The following IQSEC1 variants were observed in gnomAD, a reference collection of about 807,000 sequenced individuals.
IQSEC1 encodes IQ motif and SEC7 domain-containing protein 1.
In IQSEC1, 31 loss-of-function variants were observed where a neutral mutation model predicts 91.0. That is an observed-to-expected ratio of 0.34 (90% confidence interval 0.26 to 0.46). IQSEC1 has a LOEUF of 0.46. Among genes scored for constraint, IQSEC1 ranks in the 20% least tolerant of loss-of-function variants. The pLI is 1.00. For missense variants in IQSEC1, 1,388 were observed against 1,575.6 expected, an observed-to-expected ratio of 0.88 and a Z score of 2.02; for synonymous variants, 699 against 662.6, an observed-to-expected ratio of 1.05 and a Z score of -0.84.
Position 12,900,459 on chromosome 3 carries a change from ATATATATATTTATATATT to A in IQSEC1, c.*506_*523del. The stretch of plus-strand genomic sequence containing the variant: ...CAAGTACTACCTATACAGTATATAT[ATATATATATTTATATATT>A]TATATATTTATATAAAGTTTACTTA... On this transcript the variant is annotated 3_prime_UTR_variant, in exon 14 of 14. Coordinates refer to ENST00000613206, the MANE Select transcript of IQSEC1 (RefSeq NM_001134382.3). 1 of 725,620 alleles carries A rather than the reference ATATATATATTTATATATT, an allele frequency of 1.4e-6. No individual in the cohort carries two copies. The highest frequency in any genetic ancestry group is 1.7e-6 in the Non-Finnish European group (1 of 595,570). 44.9% of individuals were successfully genotyped at this position (725,620 alleles called of 1,614,324 possible).
rs1316276894 is a variant in IQSEC1, at chr3:12,936,571, C to G, written c.445G>C (p.Glu149Gln). Residue 149 changes from glutamate to glutamine, a missense_variant, in exon 3 of 14, where the codon GAG (glutamate) becomes CAG (glutamine). Physicochemically the swap from Glu to Gln is conservative, Grantham distance 29. Transcript: ENST00000613206. ...NFERLRSSMS[E>Q]NRMSRRIVLS... ...ACAATCCGGCGTGACATGCGGTTCTCTGACATGGAGCTGCGCAAGCGCTCG... is the reference window on the plus strand; with the variant it reads ...ACAATCCGGCGTGACATGCGGTTCTGTGACATGGAGCTGCGCAAGCGCTCG... The G allele has an allele frequency of 2.5e-6, 4 of 1,613,354 alleles. No individual in the cohort carries two copies. Among genetic ancestry groups the G allele is most frequent in the Non-Finnish European group, 3.4e-6 (4 of 1,180,030 alleles).
Position 12,901,179 on chromosome 3 carries a change from TGGGGTGGGTGGTG to T in IQSEC1, c.3136_3148del (p.His1046SerfsTer70). On this transcript the variant is annotated frameshift_variant, in exon 14 of 14. Transcript: ENST00000613206. LOFTEE classifies it low-confidence loss of function (END_TRUNC). The stretch of plus-strand genomic sequence containing the variant: ...GTACTGGTGTGCGTGCTGGATGTGC[TGGGGTGGGTGGTG>T]GTGGTGGTGATGGTGGTACGGGGGA... 6.5e-7 allele frequency: 1 copy of T among 1,542,428 alleles called. No individual in the cohort carries two copies. The highest frequency in any genetic ancestry group is 8.8e-7 in the Non-Finnish European group (1 of 1,142,678).
In IQSEC1 at chr3:12,967,255, G is replaced by A; in HGVS notation, c.24-25390C>T. Reference sequence around the variant, plus strand: ...TCTGGCGGACGCACCCCGCCCCGCAGGCAGCTTTCTCTCGCACGCCGGGCG... The same window carrying A: ...TCTGGCGGACGCACCCCGCCCCGCAAGCAGCTTTCTCTCGCACGCCGGGCG... On this transcript the variant is annotated intron_variant, in intron 1 of 13. Coordinates refer to ENST00000613206, the MANE Select transcript of IQSEC1 (RefSeq NM_001134382.3). The surrounding 1 kb of genome is among the most constrained non-coding windows in gnomAD (Gnocchi z 5.9). 1.4e-6 allele frequency: 1 copy of A among 714,102 alleles called. No individual in the cohort carries two copies. Among genetic ancestry groups the A allele is most frequent in the Non-Finnish European group, 2.2e-6 (1 of 458,304 alleles). 44.2% of individuals were successfully genotyped at this position (714,102 alleles called of 1,614,324 possible). A position where few individuals can be genotyped will look rare whatever the true frequency, so the allele number is the denominator to read the frequency against.
chr3:13,154,183 C>A (rs6442352), intron 2 of IQSEC1, among the ~76,000 whole-genome samples: 15 of 151,574 alleles, frequency 9.9e-5, no homozygotes, highest in African/African-American at 3.6e-4. Context: ...TCTCTTGTTG[C>A]GGGGAAGAAG....
At position 12,898,668 on chromosome 3, in the gene IQSEC1, C is replaced by G. The variant is rs1693890108; in HGVS notation, c.*2315G>C. On this transcript the variant is annotated 3_prime_UTR_variant, in exon 14 of 14. Coordinates refer to ENST00000613206, the MANE Select transcript of IQSEC1 (RefSeq NM_001134382.3). ...GAACAACCTAAAGGTTACAGTTAGA[C>G]TCTCCTCCCAGCACAGAAGAGGGTG... The G allele has an allele frequency of 6.6e-6, 1 of 152,274 alleles. No individual in the cohort carries two copies. The highest frequency in any genetic ancestry group is 2.4e-5 in the African/African-American group (1 of 41,462). 9.4% of individuals were successfully genotyped at this position (152,274 alleles called of 1,614,324 possible).
At chr3:12,991,566 T>G (rs954853133) in intron 1 of IQSEC1, among the ~76,000 whole-genome samples, 2 of 152,092 alleles carry the variant, frequency 1.3e-5, no homozygotes, top group African/African-American at 4.8e-5. Context: ...GGGGGAGTGA[T>G]GAGGGCTCTG....
intron 2 of IQSEC1, among the ~76,000 whole-genome samples, chr3:13,145,395 A>T (rs1706872594): frequency 6.6e-6 from 1 of 152,036 alleles, no homozygotes; most frequent in Non-Finnish European, 1.5e-5. Context: ...TGGCTGCCCC[A>T]CTCCAACCAT....
chr3:13,089,744 G>C (rs995893380), intron 2 of IQSEC1, among the ~76,000 whole-genome samples: 7 of 152,228 alleles, frequency 4.6e-5, no homozygotes, highest in Admixed American at 1.3e-4. Context: ...CATAGAGGTA[G>C]AAAGCAGATG....
chr3:13,190,324 C>A (rs1244132949), intron 1 of IQSEC1, among the ~76,000 whole-genome samples: 1 of 152,214 alleles, frequency 6.6e-6, no homozygotes, highest in Non-Finnish European at 1.5e-5. Flanking sequence ...GAAATCCCAA[C>A]ACTTTGGGAG....
intron 2 of IQSEC1, among the ~76,000 whole-genome samples, chr3:13,162,960 C>T (rs1250744883): frequency 1.3e-5 from 2 of 152,024 alleles, no homozygotes; most frequent in African/African-American, 2.4e-5. Context: ...CCCAGCTAGT[C>T]CCCTCACCTG....
At chr3:13,235,228 G>T (rs1036356830) in intron 1 of IQSEC1, among the ~76,000 whole-genome samples, 7 of 152,150 alleles carry the variant, frequency 4.6e-5, no homozygotes, top group African/African-American at 1.7e-4. Flanking sequence ...CTCAGTCAGG[G>T]CTTCTCCCCC....
chr3:13,151,000 C>T (rs1016019574), intron 2 of IQSEC1, among the ~76,000 whole-genome samples: 5 of 152,338 alleles, frequency 3.3e-5, no homozygotes, highest in Admixed American at 2.6e-4. Flanking sequence ...TGCCCTCATC[C>T]TCCTGGGCCA....
intron 1 of IQSEC1, among the ~76,000 whole-genome samples, chr3:13,257,013 CCA>C (rs1382238002): frequency 6.6e-6 from 1 of 152,162 alleles, no homozygotes; most frequent in Non-Finnish European, 1.5e-5. Flanking sequence ...CTCTCTGTGC[CCA>C]GTTTTCCCTT....
intron 2 of IQSEC1, among the ~76,000 whole-genome samples, chr3:13,115,024 G>A (rs2124876286): frequency 6.6e-6 from 1 of 152,294 alleles, no homozygotes; most frequent in Admixed American, 6.5e-5. Flanking sequence ...GGAGGCCCTG[G>A]AGGTGCCGGG....
chr3:12,936,244 C>G lies in IQSEC1; in HGVS notation c.772G>C (p.Asp258His), dbSNP rs764372516. Residue 258 changes from aspartate to histidine, a missense_variant, in exon 3 of 14, where the codon GAT becomes CAT. By Grantham distance (81) the Asp-to-His change is moderately conservative (BLOSUM62 -1). This residue lies in a region of IQSEC1 where 1,059 missense variants were observed against 1,317.8 expected (regional missense o/e 0.80). Coordinates refer to ENST00000613206, the MANE Select transcript of IQSEC1 (RefSeq NM_001134382.3). ...SLHTEEAPAL[D>H]AARARDTEPQ... ...TCGGTGTCCCGGGCCCGCGCCGCAT[C>G]CAGGGCCGGTGCCTCCTCAGTGTGC... 6.2e-7 allele frequency: 1 copy of G among 1,613,250 alleles called. No homozygotes were observed. Among genetic ancestry groups the G allele is most frequent in the East Asian group, 2.2e-5 (1 of 44,870 alleles).
chr3:12,912,960 A>C (rs953110072), intron 9 of IQSEC1, among the ~76,000 whole-genome samples: 4 of 152,210 alleles, frequency 2.6e-5, no homozygotes, highest in African/African-American at 7.2e-5. Flanking sequence ...ATCAGAAAGC[A>C]CTGCACCTGC....
At chr3:12,910,192 A>T (rs1392895283) in intron 10 of IQSEC1, among the ~76,000 whole-genome samples, 1 of 152,256 alleles carries the variant, frequency 6.6e-6, no homozygotes, top group Non-Finnish European at 1.5e-5. Flanking sequence ...TTTTAAAAAT[A>T]TGCAAACCAT....
chr3:13,022,216 C>T, intron 1 of IQSEC1: 2 of 1,229,674 alleles, frequency 1.6e-6, no homozygotes, highest in Non-Finnish European at 2.0e-6. Flanking sequence ...TCCCTTCCTT[C>T]TTCATGGTAG....
At chr3:13,158,945 G>C (rs972912019) in intron 2 of IQSEC1, among the ~76,000 whole-genome samples, 1 of 151,528 alleles carries the variant, frequency 6.6e-6, no homozygotes, top group Non-Finnish European at 1.5e-5. Context: ...CTGGGTGACA[G>C]AGTAGGACTC....
Sources: gnomAD v4.1 joint callset for allele counts (sites outside exome capture counted in the v4.1 genomes callset) on GRCh38, gnomAD v4.1.1 for gene constraint, gnomAD v4.1.1 regional missense constraint, Gnocchi (gnomAD v3.1) non-coding constraint, MANE v1.5 for transcripts, NCBI Gene and HGNC (gene_info 2026-07-23, HGNC 2026-07-21) for gene names.